MLEC: variants seen among roughly 807,000 people sequenced by gnomAD.
The protein encoded by MLEC is malectin, also known as oligosaccharyltransferase complex subunit (non-catalytic).
A neutral mutation model predicts 28.7 loss-of-function variants in MLEC; 7 were observed. The observed-to-expected ratio is 0.24, with a 90% confidence interval of 0.14 to 0.46. The LOEUF (loss-of-function observed/expected upper bound fraction) is 0.46. Ranked by LOEUF, MLEC falls within the 20% of genes least tolerant of loss-of-function variation. The pLI is 0.99. For synonymous variants in MLEC, 142 were observed against 164.4 expected, an observed-to-expected ratio of 0.86 and a Z score of 1.04; for missense variants, 237 against 391.1, an observed-to-expected ratio of 0.61 and a Z score of 3.32.
rs1047441414 is a variant in MLEC, at chr12:120,687,690, G to A, written c.235+159G>A. Among the ~76,000 whole-genome samples, 2 of 152,240 alleles carry A rather than the reference G, an allele frequency of 1.3e-5. No individual in the cohort carries two copies. Among genetic ancestry groups the A allele is most frequent in the Non-Finnish European group, 2.9e-5 (2 of 68,036 alleles). On this transcript the variant is annotated intron_variant, in intron 1 of 4. Coordinates refer to ENST00000228506, the MANE Select transcript of MLEC (RefSeq NM_014730.4). The surrounding 1 kb of genome is among the most constrained non-coding windows in gnomAD (Gnocchi z 8.1). ...TTCGGGGGCCCGCTCTGAGCTCAGG[G>A]CCTGGCACTGGCTCCAAGGTACCTA... is the stretch of plus-strand genomic sequence containing the variant.
intron 1 of MLEC, among the ~76,000 whole-genome samples, chr12:120,692,114 T>G (rs916423970): frequency 1.3e-5 from 2 of 152,080 alleles, no homozygotes; most frequent in African/African-American, 4.8e-5. Flanking sequence ...GAGCTGAGAT[T>G]GCGCCATTGC....
At position 120,696,734 on chromosome 12, in the gene MLEC, C is replaced by T. The variant is rs55993251; in HGVS notation, c.*189C>T. ...CCCTCATTCACCACCTGGTCCCAGACGTGCTTCAGTCCTCGTCCTCTCTTT... is the reference window on the plus strand; with the variant it reads ...CCCTCATTCACCACCTGGTCCCAGATGTGCTTCAGTCCTCGTCCTCTCTTT... On this transcript the variant is annotated 3_prime_UTR_variant, in exon 5 of 5. Transcript: ENST00000228506. This position sits in a 1 kb window ranked among gnomAD's most constrained non-coding sequence, Gnocchi z 5.4. 31,070 of 775,838 alleles carry T rather than the reference C, an allele frequency of 0.04. 746 individuals are homozygous for T. The highest frequency in any genetic ancestry group is 0.075 in the Admixed American group (2,555 of 33,932). 48.1% of individuals were successfully genotyped at this position (775,838 alleles called of 1,614,324 possible).
intron 1 of MLEC, among the ~76,000 whole-genome samples, chr12:120,688,634 ATT>A (rs1881919085): frequency 1.3e-5 from 2 of 152,166 alleles, no homozygotes; most frequent in South Asian, 4.1e-4. Flanking sequence ...ACTTTCTCTC[ATT>A]CTTTTTCTGC....
rs1480694059 is a variant in MLEC at position 120,687,974 on chromosome 12, G to T, written c.235+443G>T. On this transcript the variant is annotated intron_variant, in intron 1 of 4. Transcript: ENST00000228506. This position sits in a 1 kb window ranked among gnomAD's most constrained non-coding sequence, Gnocchi z 8.1. ...AGGAGCGGGGCTTGATTCTTAGCCAGAATAGGAAGGAATCTTCGAAGAGAA... is the reference window on the plus strand; with the variant it reads ...AGGAGCGGGGCTTGATTCTTAGCCATAATAGGAAGGAATCTTCGAAGAGAA... Among the ~76,000 whole-genome samples the T allele has an allele frequency of 6.6e-6, 1 of 152,188 alleles. No homozygotes were observed. Among genetic ancestry groups the T allele is most frequent in the Non-Finnish European group, 1.5e-5 (1 of 68,022 alleles).
intron 3 of MLEC, 38 bp downstream of exon 3, chr12:120,695,038 G>A: frequency 6.2e-7 from 1 of 1,614,072 alleles, no homozygotes; most frequent in Non-Finnish European, 8.5e-7. Context: ...AAGAGAGTGG[G>A]TACAGGGGAA....
In MLEC at chr12:120,700,813, C is replaced by T. The variant is rs557519466; in HGVS notation, c.*4268C>T. The T allele has an allele frequency of 1.3e-5, 2 of 152,318 alleles. No homozygotes were observed. The highest frequency in any genetic ancestry group is 2.1e-4 in the South Asian group (1 of 4,826). The allele number at this position is 152,318 out of a possible 1,614,324, so 9.4% of individuals were successfully genotyped here. A position where few individuals can be genotyped will look rare whatever the true frequency, so the allele number is the denominator to read the frequency against. On this transcript the variant is annotated 3_prime_UTR_variant, in exon 5 of 5. Transcript: ENST00000228506. This position sits in a 1 kb window ranked among gnomAD's most constrained non-coding sequence, Gnocchi z 4.0. ...TGGTACCAGTAGATCAGCTGCCTAG[C>T]GAGGGCAGGTTTCTTCTTTGCATCT... is the stretch of plus-strand genomic sequence containing the variant.
intron 1 of MLEC, among the ~76,000 whole-genome samples, chr12:120,689,499 G>A (rs1440667095): frequency 6.6e-6 from 1 of 152,192 alleles, no homozygotes; most frequent in Non-Finnish European, 1.5e-5. Flanking sequence ...GGGAGGTGGC[G>A]CTTGTCAGCT....
At chr12:120,691,576 A>G (rs1029757427) in intron 1 of MLEC, among the ~76,000 whole-genome samples, 1 of 152,188 alleles carries the variant, frequency 6.6e-6, no homozygotes, top group African/African-American at 2.4e-5. Flanking sequence ...CTGACTGTAC[A>G]CTTCATTGTA....
rs1163672869 is a variant in MLEC, at chr12:120,701,528, AT to A, written c.*4985del. The A allele has an allele frequency of 3.3e-5, 5 of 152,654 alleles. No individual in the cohort carries two copies. Among genetic ancestry groups the A allele is most frequent in the Non-Finnish European group, 1.5e-5 (1 of 68,090 alleles). 9.5% of individuals were successfully genotyped at this position (152,654 alleles called of 1,614,324 possible). A position where few individuals can be genotyped will look rare whatever the true frequency, so the allele number is the denominator to read the frequency against. On this transcript the variant is annotated 3_prime_UTR_variant, in exon 5 of 5. Coordinates refer to ENST00000228506, the MANE Select transcript of MLEC (RefSeq NM_014730.4). The surrounding 1 kb of genome is among the most constrained non-coding windows in gnomAD (Gnocchi z 4.0). The stretch of plus-strand genomic sequence containing the variant: ...CTTCCACATTGGGCCTGGCTGCTCT[AT>A]TCTGTACCAAGTACTGGAGAAAAAG...
rs1240380360 is a variant in MLEC, at chr12:120,694,872, A to G, written c.463A>G (p.Ile155Val). The change falls in exon 3 of 5, where the codon ATC (isoleucine) becomes GTC (valine). Residue 155 changes from isoleucine to valine, a missense_variant. Transcript: ENST00000228506. This position sits in a 1 kb window ranked among gnomAD's most constrained non-coding sequence, Gnocchi z 4.5. ...CCACGTCGTGGTGAAGGACTTGGAT[A>G]TCTTTGATCGTGTTGGGCATAGCAC... ...NGHVVVKDLDIFDRVGHSTAH... is the reference protein window; with the variant it reads ...NGHVVVKDLDVFDRVGHSTAH... 1.9e-6 allele frequency: 3 copies of G among 1,614,118 alleles called. No homozygotes were observed. The highest frequency in any genetic ancestry group is 2.5e-6 in the Non-Finnish European group (3 of 1,179,964).
Position 120,687,621 on chromosome 12 carries a change from C to T in MLEC, c.235+90C>T, listed in dbSNP as rs1881876517. 24 of 1,035,568 alleles carry T rather than the reference C, an allele frequency of 2.3e-5. No individual in the cohort carries two copies. Among genetic ancestry groups the T allele is most frequent in the Non-Finnish European group, 3.0e-5 (23 of 756,394 alleles). 64.1% of individuals were successfully genotyped at this position (1,035,568 alleles called of 1,614,324 possible). On this transcript the variant is annotated intron_variant, in intron 1 of 4. Coordinates refer to ENST00000228506, the MANE Select transcript of MLEC (RefSeq NM_014730.4). This position sits in a 1 kb window ranked among gnomAD's most constrained non-coding sequence, Gnocchi z 8.1. ...GCTGCGGGCCCCGAGCCCCTTTCGA[C>T]CCTGGGGCCGCGTCTCTGGAGCGAA...
intron 1 of MLEC, among the ~76,000 whole-genome samples, chr12:120,689,599 A>T (rs571335932): frequency 2.6e-5 from 4 of 152,154 alleles, no homozygotes. Flanking sequence ...AGATGCGCAT[A>T]AGCTTGCACT....
chr12:120,693,855 C>T (rs899745145), intron 1 of MLEC: 1 of 383,026 alleles, frequency 2.6e-6, no homozygotes. Context: ...CTGAGGTTTA[C>T]AGGGGCTGTT....
Position 120,695,000 on chromosome 12 carries a change from G to A in MLEC, c.591G>A (p.Lys197=). 1 of 1,614,134 alleles carries A rather than the reference G, an allele frequency of 6.2e-7. No homozygotes were observed. The highest frequency in any genetic ancestry group is 8.5e-7 in the Non-Finnish European group (1 of 1,180,008). The change falls in exon 3 of 5, where the codon AAG becomes AAA. Residue 197 remains lysine, a splice_region_variant and synonymous_variant. Transcript: ENST00000228506. This position sits in a 1 kb window ranked among gnomAD's most constrained non-coding sequence, Gnocchi z 4.5. ...GGAAACTCTACATTGAGTTTGTCAA[G>A]GTAATTCCCCTATTCTGCCCATTGC... is the stretch of plus-strand genomic sequence containing the variant. ...FTGKLYIEFV[K]GYYDNPKVCA...
Position 120,687,398 on chromosome 12 carries a change from C to A in MLEC, c.102C>A (p.Ala34=), listed in dbSNP as rs1237776414. Residue 34 remains alanine (A), a synonymous_variant, in exon 1 of 5, where the codon GCC becomes GCA. Transcript: ENST00000228506. The surrounding 1 kb of genome is among the most constrained non-coding windows in gnomAD (Gnocchi z 8.1). ...PAIRGPGLGV[A]GVAGAAGAGL... is the part of the protein sequence containing the mutation. ...TCCGGGGACCCGGGCTCGGCGTGGC[C>A]GGCGTGGCCGGCGCGGCGGGGGCCG... The A allele has an allele frequency of 1.4e-6, 2 of 1,381,964 alleles. No homozygotes were observed. The highest frequency in any genetic ancestry group is 5.6e-5 in the East Asian group (2 of 35,476). The allele number at this position is 1,381,964 out of a possible 1,614,324, so 85.6% of individuals were successfully genotyped here. A position where few individuals can be genotyped will look rare whatever the true frequency, so the allele number is the denominator to read the frequency against.
intron 4 of MLEC, among the ~76,000 whole-genome samples, chr12:120,695,947 AGTT>A (rs996401806): frequency 6.6e-6 from 1 of 152,190 alleles, no homozygotes; most frequent in African/African-American, 2.4e-5. Context: ...ACGTTTCTTC[AGTT>A]GTTGTGTGAA....
rs1882249896 is a variant in MLEC at position 120,696,640 on chromosome 12, C to T, written c.*95C>T. ...TGTATTTTTCACAATGATTAATGAACAAAAACAAAGAGAAAAAAACACACA... is the reference window on the plus strand; with the variant it reads ...TGTATTTTTCACAATGATTAATGAATAAAAACAAAGAGAAAAAAACACACA... On this transcript the variant is annotated 3_prime_UTR_variant, in exon 5 of 5. Transcript: ENST00000228506. The surrounding 1 kb of genome is among the most constrained non-coding windows in gnomAD (Gnocchi z 5.4). 31 of 1,520,438 alleles carry T rather than the reference C, an allele frequency of 2.0e-5. No homozygotes were observed. The highest frequency in any genetic ancestry group is 2.7e-5 in the Non-Finnish European group (30 of 1,127,174). 94.2% of individuals were successfully genotyped at this position (1,520,438 alleles called of 1,614,324 possible). A position where few individuals can be genotyped will look rare whatever the true frequency, so the allele number is the denominator to read the frequency against.
In MLEC at chr12:120,687,722, T is replaced by C. The variant is rs1881883422; in HGVS notation, c.235+191T>C. Among the ~76,000 whole-genome samples, 1 of 152,218 alleles carries C rather than the reference T, an allele frequency of 6.6e-6. No individual in the cohort carries two copies. Among genetic ancestry groups the C allele is most frequent in the South Asian group, 2.1e-4 (1 of 4,838 alleles). On this transcript the variant is annotated intron_variant, in intron 1 of 4. Transcript: ENST00000228506. The surrounding 1 kb of genome is among the most constrained non-coding windows in gnomAD (Gnocchi z 8.1). ...ACTGGCTCCAAGGTACCTAGAGTCA[T>C]ACAGGCAGAGAGTTGGCCAGAAGTT...
rs1394770560 is a variant in MLEC, at chr12:120,687,360, C to T, written c.64C>T (p.Leu22=). 1.4e-6 allele frequency: 2 copies of T among 1,379,646 alleles called. No homozygotes were observed. Among genetic ancestry groups the T allele is most frequent in the South Asian group, 3.7e-5 (2 of 54,296 alleles). 85.5% of individuals were successfully genotyped at this position (1,379,646 alleles called of 1,614,324 possible). A position where few individuals can be genotyped will look rare whatever the true frequency, so the allele number is the denominator to read the frequency against. ...GCTCCTGCGACTGCTGCTGCTGCTGCTGCCGCCGGCGATCCGGGGACCCGG... is the reference window on the plus strand; with the variant it reads ...GCTCCTGCGACTGCTGCTGCTGCTGTTGCCGCCGGCGATCCGGGGACCCGG... ...VALLRLLLLL[L]PPAIRGPGLG... The change falls in exon 1 of 5, where the codon CTG becomes TTG. Residue 22 remains leucine (L), a synonymous_variant. Coordinates refer to ENST00000228506, the MANE Select transcript of MLEC (RefSeq NM_014730.4). The surrounding 1 kb of genome is among the most constrained non-coding windows in gnomAD (Gnocchi z 8.1).
Sources: gnomAD v4.1 joint callset for allele counts (sites outside exome capture counted in the v4.1 genomes callset) on GRCh38, gnomAD v4.1.1 for gene constraint, Gnocchi (gnomAD v3.1) non-coding constraint, MANE v1.5 for transcripts, NCBI Gene and HGNC (gene_info 2026-07-23, HGNC 2026-07-21) for gene names.